Variants in DNAH12 observed in about 807,000 individuals in gnomAD.
DNAH12 encodes dynein axonemal heavy chain 12.
DNAH12 carries 285 observed loss-of-function variants against 371.5 expected under a neutral mutation model. The ratio of observed to expected loss-of-function variants is 0.77; its 90% confidence interval spans 0.70 to 0.85. DNAH12 has a LOEUF of 0.85. Among genes scored for constraint, DNAH12 ranks in the 40% least tolerant of loss-of-function variants. The pLI, the probability that DNAH12 is intolerant of heterozygous loss-of-function variation, is 0.00. For missense variants in DNAH12, 3,611 were observed against 3,689.4 expected (o/e 0.98, Z 0.55); for synonymous variants, 1,200 against 1,213.0 (o/e 0.99, Z 0.22).
intron 65 of DNAH12, 96 bp from the exon 66 acceptor site, chr3:57,314,727 C>CT: frequency 7.7e-7 from 1 of 1,299,928 alleles, no homozygotes; most frequent in Non-Finnish European, 1.0e-6. Context: ...TCACAAGATT[C>CT]TGTGATCACG....
intron 67 of DNAH12, 56 bp from the exon 68 acceptor site, chr3:57,309,910 G>A (rs771139292): frequency 4.8e-6 from 7 of 1,467,192 alleles, no homozygotes; most frequent in Non-Finnish European, 6.4e-6. Context: ...TGAAAGGGAT[G>A]ATCAGGATAC....
intron 13 of DNAH12, among the ~76,000 whole-genome samples, chr3:57,483,019 T>C (rs576226330): frequency 3.3e-5 from 5 of 150,730 alleles, no homozygotes; most frequent in African/African-American, 4.9e-5. Flanking sequence ...CATGTATACA[T>C]ATGTAACTAA....
chr3:57,410,666 A>G (rs1287425553), intron 39 of DNAH12, among the ~76,000 whole-genome samples: 1 of 151,756 alleles, frequency 6.6e-6, no homozygotes, highest in Non-Finnish European at 1.5e-5. Context: ...AAATACAAAA[A>G]TTAGCCGGGT....
intron 13 of DNAH12, among the ~76,000 whole-genome samples, chr3:57,477,924 AC>A (rs748389262): frequency 1.0e-3 from 153 of 152,308 alleles, no homozygotes; most frequent in Non-Finnish European, 1.9e-3. Flanking sequence ...CCCCATCTGT[AC>A]GTCACCATCA....
chr3:57,420,862 T>C (rs1011377346), intron 36 of DNAH12, among the ~76,000 whole-genome samples: 1 of 141,056 alleles, frequency 7.1e-6, no homozygotes, highest in Admixed American at 7.4e-5. Flanking sequence ...TGAGCCGAGA[T>C]TGCGCCACCG....
At chr3:57,373,356 C>A (rs1270874356) in intron 55 of DNAH12, among the ~76,000 whole-genome samples, 1 of 151,018 alleles carries the variant, frequency 6.6e-6, no homozygotes, top group Non-Finnish European at 1.5e-5. Context: ...CACTTTGTCA[C>A]CCCAGCTGGA....
chr3:57,310,906 A>C lies in DNAH12; in HGVS notation c.10707T>G (p.Ser3569=). 4 of 1,551,598 alleles carry C rather than the reference A, an allele frequency of 2.6e-6. No homozygotes were observed. The highest frequency in any genetic ancestry group is 3.5e-6 in the Non-Finnish European group (4 of 1,146,878). ...CATAATTACACTCCCCAGTCAGGTAAGATATAGCTTCAAATGGAATTGTAT... is the reference window on the plus strand; with the variant it reads ...CATAATTACACTCCCCAGTCAGGTACGATATAGCTTCAAATGGAATTGTAT... ...EYDTIPFEAI[S]YLTGECNYGG... The change falls in exon 67 of 74, where the codon TCT becomes TCG. Residue 3569 remains serine (S), a synonymous_variant. Transcript: ENST00000495027.
At chr3:57,514,584 G>T (rs867579651) in intron 4 of DNAH12, among the ~76,000 whole-genome samples, 2 of 152,006 alleles carry the variant, frequency 1.3e-5, no homozygotes, top group Admixed American at 1.3e-4. Context: ...AAGTATGGGG[G>T]CATGGGAACA....
intron 4 of DNAH12, among the ~76,000 whole-genome samples, chr3:57,520,975 A>C (rs1385635804): frequency 7.0e-6 from 1 of 143,592 alleles, no homozygotes; most frequent in Admixed American, 7.4e-5. Flanking sequence ...GAGGCAGGAG[A>C]ATTGCTTGAT....
At chr3:57,536,421 T>G (rs1233338726) in intron 2 of DNAH12, 6 of 152,130 alleles carry the variant, frequency 3.9e-5, no homozygotes, top group Non-Finnish European at 7.3e-5. Context: ...AGAGTGAAAA[T>G]TTTCTCTCCC....
At chr3:57,343,506 T>A (rs2062455973) in intron 60 of DNAH12, among the ~76,000 whole-genome samples, 1 of 152,250 alleles carries the variant, frequency 6.6e-6, no homozygotes, top group African/African-American at 2.4e-5. Context: ...CACAATGCAC[T>A]GCGGAAAGCC....
At chr3:57,437,520 G>C (rs2065166657) in intron 29 of DNAH12, among the ~76,000 whole-genome samples, 1 of 152,190 alleles carries the variant, frequency 6.6e-6, no homozygotes, top group South Asian at 2.1e-4. Flanking sequence ...GCCTTTCCTA[G>C]GTAAGCACAA....
chr3:57,511,857 G>C (rs2068011144), intron 4 of DNAH12, among the ~76,000 whole-genome samples: 1 of 152,116 alleles, frequency 6.6e-6, no homozygotes, highest in Non-Finnish European at 1.5e-5. Flanking sequence ...TGGAACAACT[G>C]GTTAGCCATT....
chr3:57,548,651 A>G (rs534667079), upstream of DNAH12, among the ~76,000 whole-genome samples: 47 of 152,244 alleles, frequency 3.1e-4, no homozygotes, highest in South Asian at 7.3e-3. Context: ...GGCTGCAGTA[A>G]GCCATTACTG....
At chr3:57,541,467 C>T (rs1186475094) in intron 2 of DNAH12, among the ~76,000 whole-genome samples, 1 of 151,786 alleles carries the variant, frequency 6.6e-6, no homozygotes, top group African/African-American at 2.4e-5. Flanking sequence ...CTGGGCTCAA[C>T]CAATACTCCT....
chr3:57,497,028 A>G (rs915877420), intron 11 of DNAH12, among the ~76,000 whole-genome samples: 1 of 152,202 alleles, frequency 6.6e-6, no homozygotes, highest in African/African-American at 2.4e-5. Context: ...TTTAAGGGAC[A>G]GATTTAGGAA....
At chr3:57,500,433 C>A (rs956932389) in intron 11 of DNAH12, among the ~76,000 whole-genome samples, 2 of 152,196 alleles carry the variant, frequency 1.3e-5, no homozygotes, top group Non-Finnish European at 2.9e-5. Flanking sequence ...CAAAGATACT[C>A]CAGGATTTTC....
chr3:57,400,097 T>C (rs1244916260), intron 43 of DNAH12, among the ~76,000 whole-genome samples: 2 of 152,088 alleles, frequency 1.3e-5, no homozygotes, highest in Admixed American at 6.5e-5. Context: ...AAGACCAGAC[T>C]GGCCAAATGG....
intron 30 of DNAH12, among the ~76,000 whole-genome samples, chr3:57,434,313 G>A (rs573541038): frequency 8.5e-5 from 13 of 152,214 alleles, no homozygotes; most frequent in Middle Eastern, 3.4e-3. Flanking sequence ...CTTCCAAGCA[G>A]GGATAGGTAA....
Sources: gnomAD v4.1 joint callset for allele counts (sites outside exome capture counted in the v4.1 genomes callset) on GRCh38, gnomAD v4.1.1 for gene constraint, MANE v1.5 for transcripts, NCBI Gene and HGNC (gene_info 2026-07-23, HGNC 2026-07-21) for gene names.